ATP9A: variants seen among roughly 807,000 people sequenced by gnomAD.
ATP9A encodes ATPase phospholipid transporting 9A.
In ATP9A, 52 loss-of-function variants were observed where a neutral mutation model predicts 144.1. That is an observed-to-expected ratio of 0.36 (90% CI 0.29 to 0.45). ATP9A has a LOEUF of 0.45. ATP9A is among the 20% of genes least tolerant of loss of function. ATP9A has a pLI of 1.00. For synonymous variants in ATP9A, 582 were observed against 557.4 expected (o/e 1.04, Z -0.62); for missense variants, 947 against 1,392.7 (o/e 0.68, Z 5.09).
intron 2 of ATP9A, among the ~76,000 whole-genome samples, chr20:51,726,210 G>C (rs111508611): frequency 1.3e-4 from 20 of 150,864 alleles, no homozygotes; most frequent in African/African-American, 4.6e-4. Context: ...CTACTCAGGA[G>C]GCTGAAGCAG....
At chr20:51,667,150 T>C (rs1159427768) in intron 13 of ATP9A, among the ~76,000 whole-genome samples, 1 of 152,230 alleles carries the variant, frequency 6.6e-6, no homozygotes, top group East Asian at 1.9e-4. Flanking sequence ...GAGGTGAGGT[T>C]CACGGTAAGA....
At chr20:51,631,146 G>A (rs1247067590) in intron 15 of ATP9A, among the ~76,000 whole-genome samples, 1 of 152,150 alleles carries the variant, frequency 6.6e-6, no homozygotes, top group East Asian at 1.9e-4. Context: ...GCCCTTTCAT[G>A]GAACAGAAAT....
intron 4 of ATP9A, among the ~76,000 whole-genome samples, 182 bp from the exon 5 acceptor site, chr20:51,697,664 G>C (rs1356287186): frequency 6.6e-6 from 1 of 152,152 alleles, no homozygotes; most frequent in Non-Finnish European, 1.5e-5. Flanking sequence ...AACCGCTACA[G>C]AGGCCGTTGC....
intron 13 of ATP9A, among the ~76,000 whole-genome samples, chr20:51,662,523 T>A (rs1440027746): frequency 1.3e-5 from 2 of 149,126 alleles, no homozygotes; most frequent in Non-Finnish European, 3.0e-5. Flanking sequence ...CCAGCCTGGT[T>A]AACAGAGCAA....
chr20:51,722,639 T>C (rs1467663491), intron 3 of ATP9A, among the ~76,000 whole-genome samples: 1 of 152,142 alleles, frequency 6.6e-6, no homozygotes, highest in East Asian at 1.9e-4. Context: ...GAAACCACAA[T>C]GCGATACCAC....
intron 1 of ATP9A, among the ~76,000 whole-genome samples, chr20:51,754,043 T>TCACTGCTC (rs1372685087): frequency 6.6e-6 from 1 of 152,056 alleles, no homozygotes; most frequent in African/African-American, 2.4e-5. Flanking sequence ...TTAGACTTTT[T>TCACTGCTC]CACTGCTCCC....
intron 13 of ATP9A, among the ~76,000 whole-genome samples, chr20:51,666,958 C>T (rs1460032577): frequency 1.3e-5 from 2 of 152,130 alleles, no homozygotes; most frequent in Non-Finnish European, 2.9e-5. Context: ...TGTGCTTATG[C>T]CAGGATGTTT....
At chr20:51,618,930 G>A (rs1184685446) in intron 20 of ATP9A, 24 bp downstream of exon 20, 4 of 1,612,508 alleles carry the variant, frequency 2.5e-6, no homozygotes, top group East Asian at 4.5e-5. Flanking sequence ...GGGAGGACTG[G>A]CTCTCAGGGG....
chr20:51,763,375 C>T (rs536877190), intron 1 of ATP9A, among the ~76,000 whole-genome samples: 34 of 150,010 alleles, frequency 2.3e-4, no homozygotes, highest in African/African-American at 6.9e-4. Context: ...TGCAGTGGCG[C>T]GATCTCGGCT....
intron 1 of ATP9A, among the ~76,000 whole-genome samples, chr20:51,765,894 T>C (rs1305987726): frequency 6.6e-6 from 1 of 151,784 alleles, no homozygotes; most frequent in Non-Finnish European, 1.5e-5. Context: ...GAGGCAGAGG[T>C]TGCAGTGGGC....
chr20:51,697,526 T>C (rs968257267), intron 4 of ATP9A, 44 bp from the exon 5 acceptor site: 1 of 1,590,672 alleles, frequency 6.3e-7, no homozygotes, highest in Admixed American at 1.7e-5. Context: ...CTTAATTCAT[T>C]TCAATTCAAC....
At position 51,613,695 on chromosome 20, in the gene ATP9A, G is replaced by C. The variant is rs1386453447; in HGVS notation, c.2553C>G (p.Leu851=). The change falls in exon 23 of 28, where the codon CTC becomes CTG. Residue 851 remains leucine (L), a synonymous_variant. Coordinates refer to ENST00000338821, the MANE Select transcript of ATP9A (RefSeq NM_006045.3). ...ALSQFVIHRS[L]CISTMQAVFS... is the part of the protein sequence containing the mutation. The stretch of plus-strand genomic sequence containing the variant: ...CACTCACCTGCATGGTGCTGATACA[G>C]AGGCTCCTGTGAATCACGAACTGGC... 1.2e-6 allele frequency: 2 copies of C among 1,613,966 alleles called. No homozygotes were observed. Among genetic ancestry groups the C allele is most frequent in the East Asian group, 4.5e-5 (2 of 44,884 alleles).
chr20:51,767,715 C>T (rs527844924), intron 1 of ATP9A, among the ~76,000 whole-genome samples: 2 of 152,230 alleles, frequency 1.3e-5, no homozygotes, highest in African/African-American at 4.8e-5. Flanking sequence ...ACCCTCCCAC[C>T]CTCCTGCGAC....
At chr20:51,686,589 G>A (rs2077524169) in intron 9 of ATP9A, among the ~76,000 whole-genome samples, 1 of 152,106 alleles carries the variant, frequency 6.6e-6, no homozygotes, top group African/African-American at 2.4e-5. Context: ...AGAATATTAA[G>A]AATTAGCTGA....
intron 3 of ATP9A, among the ~76,000 whole-genome samples, chr20:51,720,807 C>G (rs6091352): frequency 6.6e-6 from 1 of 152,262 alleles, no homozygotes; most frequent in Non-Finnish European, 1.5e-5. Flanking sequence ...GCACTCCAAT[C>G]TAGGCGACAC....
chr20:51,618,819 G>T lies in ATP9A; in HGVS notation c.2206-13C>A. 1 of 1,581,436 alleles carries T rather than the reference G, an allele frequency of 6.3e-7. No homozygotes were observed. The highest frequency in any genetic ancestry group is 8.6e-7 in the Non-Finnish European group (1 of 1,161,266). ...ACTTGAGGCAAACCTGCAGGGTGGAGGGAGAGGTGGTGCGTTGGTGGAGGG... is the reference window on the plus strand; with the variant it reads ...ACTTGAGGCAAACCTGCAGGGTGGATGGAGAGGTGGTGCGTTGGTGGAGGG... On this transcript the variant is annotated splice_polypyrimidine_tract_variant and intron_variant, in intron 20 of 27. Coordinates refer to ENST00000338821, the MANE Select transcript of ATP9A (RefSeq NM_006045.3).
At chr20:51,641,848 A>AAAAAAAAAG (rs2077320649) in intron 14 of ATP9A, among the ~76,000 whole-genome samples, 1 of 146,436 alleles carries the variant, frequency 6.8e-6, no homozygotes, top group Non-Finnish European at 1.5e-5. Context: ...AAAAAAAAAA[A>AAAAAAAAAG]GATAAAAAAC....
intron 14 of ATP9A, among the ~76,000 whole-genome samples, chr20:51,647,402 T>C (rs1017077094): frequency 2.0e-5 from 3 of 151,004 alleles, no homozygotes; most frequent in Non-Finnish European, 4.4e-5. Context: ...TACAAAAAAA[T>C]TAGCCAGGCG....
chr20:51,650,221 T>C (rs962059882), intron 14 of ATP9A, among the ~76,000 whole-genome samples: 2 of 152,176 alleles, frequency 1.3e-5, no homozygotes, highest in Non-Finnish European at 2.9e-5. Context: ...TAATTTACAG[T>C]TGTGCTTTTA....
Sources: gnomAD v4.1 joint callset for allele counts (sites outside exome capture counted in the v4.1 genomes callset) on GRCh38, gnomAD v4.1.1 for gene constraint, MANE v1.5 for transcripts, NCBI Gene and HGNC (gene_info 2026-07-23, HGNC 2026-07-21) for gene names.